OTOG: variants seen among roughly 807,000 people sequenced by gnomAD.
The protein encoded by OTOG is otogelin.
OTOG carries 296 observed loss-of-function variants against 313.8 expected under a neutral mutation model. The observed-to-expected ratio is 0.94, with a 90% CI of 0.86 to 1.04. OTOG has a LOEUF of 1.04. Ranked by LOEUF, OTOG falls within the 50% of genes least tolerant of loss-of-function variation. OTOG has a pLI of 0.00. For missense variants in OTOG, 3,948 were observed against 3,840.1 expected (o/e 1.03, Z -0.74); for synonymous variants, 1,533 against 1,554.9 (o/e 0.99, Z 0.33).
chr11:17,561,552 G>A (rs1345133441), intron 14 of OTOG, 110 bp from the exon 15 acceptor site: 1 of 1,168,908 alleles, frequency 8.6e-7, no homozygotes. Flanking sequence ...TCCTTATACT[G>A]CTCTTATTCT....
At chr11:17,637,685 A>C (rs1225085478) in intron 47 of OTOG, among the ~76,000 whole-genome samples, 1 of 152,186 alleles carries the variant, frequency 6.6e-6, no homozygotes, top group South Asian at 2.1e-4. Flanking sequence ...TAGGGTGATG[A>C]CCGTAATCCT....
chr11:17,596,180 T>A, intron 29 of OTOG, 26 bp downstream of exon 29: 1 of 1,488,166 alleles, frequency 6.7e-7, no homozygotes, highest in Non-Finnish European at 9.2e-7. Flanking sequence ...CCTCGGCTCC[T>A]CCCGAGTGCC....
At position 17,594,099 on chromosome 11, in the gene OTOG, TGAGGACCCC is replaced by T. The variant is rs1248481911; in HGVS notation, c.3343_3351del (p.Arg1115_Pro1117del). ...TTTGACTTAAAAACCATCAATGAGA[TGAGGACCCC>T]GGAGAACCTAGAGCTAACTAACCCC... On this transcript the variant is annotated inframe_deletion, in exon 28 of 56. Transcript: ENST00000399397. The T allele has an allele frequency of 1.0e-5, 16 of 1,550,406 alleles. No homozygotes were observed. Among genetic ancestry groups the T allele is most frequent in the Non-Finnish European group, 1.3e-5 (15 of 1,146,984 alleles).
Position 17,610,465 on chromosome 11 carries a change from C to T in OTOG, c.5165C>T (p.Ser1722Phe). The T allele has an allele frequency of 5.8e-6, 9 of 1,550,650 alleles. No individual in the cohort carries two copies. The highest frequency in any genetic ancestry group is 2.4e-5 in the South Asian group (2 of 84,060). Reference sequence around the variant, plus strand: ...ACCAGGAGCTTGGAGATAGTGCTATCCACAGAGAAGGGCGAAGCCGGGCAC... The same window carrying T: ...ACCAGGAGCTTGGAGATAGTGCTATTCACAGAGAAGGGCGAAGCCGGGCAC... ...LATRSLEIVLSTEKGEAGHSQ... is the reference protein window; with the variant it reads ...LATRSLEIVLFTEKGEAGHSQ... The change falls in exon 36 of 56, where the codon TCC becomes TTC. Residue 1722 changes from serine to phenylalanine, a missense_variant. Physicochemically the swap from Ser to Phe is radical, Grantham distance 155. Transcript: ENST00000399397.
chr11:17,617,641 T>G (rs1160694647), intron 39 of OTOG, among the ~76,000 whole-genome samples: 1 of 152,208 alleles, frequency 6.6e-6, no homozygotes, highest in Non-Finnish European at 1.5e-5. Context: ...CTGTAGGATC[T>G]GAATCTATGT....
chr11:17,628,938 C>T (rs1365344362), intron 39 of OTOG, among the ~76,000 whole-genome samples, 195 bp from the exon 40 acceptor site: 2 of 152,212 alleles, frequency 1.3e-5, no homozygotes, highest in Admixed American at 6.5e-5. Context: ...TTTCAGAAAC[C>T]TCACATGCCA....
intron 11 of OTOG, among the ~76,000 whole-genome samples, 176 bp from the exon 12 acceptor site, chr11:17,559,358 C>T (rs1852128006): frequency 6.6e-6 from 1 of 152,186 alleles, no homozygotes; most frequent in African/African-American, 2.4e-5. Flanking sequence ...CAGAGCCTCC[C>T]CTTGCAATTC....
intron 44 of OTOG, 38 bp from the exon 45 acceptor site, chr11:17,634,806 G>C: frequency 6.6e-7 from 1 of 1,515,414 alleles, no homozygotes; most frequent in South Asian, 1.2e-5. Context: ...GGGGACATCC[G>C]GCCCCGAGGT....
At chr11:17,645,050 T>C (rs1356477228) in intron 54 of OTOG, among the ~76,000 whole-genome samples, 1 of 152,126 alleles carries the variant, frequency 6.6e-6, no homozygotes, top group Non-Finnish European at 1.5e-5. Context: ...GTGAGATGGG[T>C]GAATCCCTGG....
rs1357186469 is a variant in OTOG at position 17,601,808 on chromosome 11, C to T, written c.3710-402C>T. Among the ~76,000 whole-genome samples the T allele has an allele frequency of 2.0e-5, 3 of 152,220 alleles. No homozygotes were observed. The East Asian group carries it at 5.8e-4, about 29-fold the overall frequency. On this transcript the variant is annotated intron_variant, in intron 31 of 55. Coordinates refer to ENST00000399397, the MANE Select transcript of OTOG (RefSeq NM_001292063.2). ...AAACACTAACAGGTTTATTGTCCCTCAGGCCTGGGGTGGGCAGAAACCGGG... is the reference window on the plus strand; with the variant it reads ...AAACACTAACAGGTTTATTGTCCCTTAGGCCTGGGGTGGGCAGAAACCGGG...
At chr11:17,643,394 G>A (rs1240649045) in intron 53 of OTOG, 67 bp from the exon 54 acceptor site, 2 of 1,143,406 alleles carry the variant, frequency 1.7e-6, no homozygotes, top group African/African-American at 1.6e-5. Context: ...CTGTTTCTGG[G>A]ATCTTGGCTC....
At position 17,558,292 on chromosome 11, in the gene OTOG, C is replaced by T. The variant is rs563094190; in HGVS notation, c.973C>T (p.Gln325Ter). 1.3e-6 allele frequency: 2 copies of T among 1,550,890 alleles called. No homozygotes were observed. Among genetic ancestry groups the T allele is most frequent in the South Asian group, 1.2e-5 (1 of 84,062 alleles). ...CTCCCTGCCTCGCCCACCGTGCCTA[C>T]AGCAGAACCCAGGAACCATGCAGGT... ...TSSLPRPPCL[Q>*]QNPGTMQGVY... The change falls in exon 9 of 56, where the codon CAG becomes TAG. Residue 325 changes from glutamine to a stop codon, truncating the protein, a stop_gained. Coordinates refer to ENST00000399397, the MANE Select transcript of OTOG (RefSeq NM_001292063.2). LOFTEE classifies it high-confidence loss of function.
intron 3 of OTOG, among the ~76,000 whole-genome samples, chr11:17,551,666 G>T (rs899410373): frequency 6.6e-6 from 1 of 152,152 alleles, no homozygotes. Flanking sequence ...GGACATAAGG[G>T]TTTACTGGGA....
At chr11:17,631,319 C>T (rs966845551) in intron 40 of OTOG, among the ~76,000 whole-genome samples, 1 of 150,186 alleles carries the variant, frequency 6.7e-6, no homozygotes, top group African/African-American at 2.5e-5. Context: ...AAGTAGTGTA[C>T]ACCTTTTACC....
intron 15 of OTOG, among the ~76,000 whole-genome samples, chr11:17,564,383 T>C (rs1852256066): frequency 6.6e-6 from 1 of 152,222 alleles, no homozygotes; most frequent in Admixed American, 6.5e-5. Flanking sequence ...AAGTGGCATT[T>C]GGGCTGAGTG....
At chr11:17,608,673 A>T (rs1028684744) in intron 34 of OTOG, among the ~76,000 whole-genome samples, 2 of 152,168 alleles carry the variant, frequency 1.3e-5, no homozygotes, top group Non-Finnish European at 2.9e-5. Context: ...AGCTGCATGT[A>T]TGCAGGTGTT....
At position 17,579,404 on chromosome 11, in the gene OTOG, A is replaced by G. The variant is rs189169704; in HGVS notation, c.2759+878A>G. On this transcript the variant is annotated intron_variant, in intron 23 of 55. Coordinates refer to ENST00000399397, the MANE Select transcript of OTOG (RefSeq NM_001292063.2). ...CCATGGCAGAGAGGAGGGGAGGACC[A>G]TGATTCCCATTTTGCAGGTGAAGAA... Among the ~76,000 whole-genome samples, 30 of 152,278 alleles carry G rather than the reference A, an allele frequency of 2.0e-4. No homozygotes were observed. The East Asian group carries it at 3.9e-3, about 20-fold the overall frequency.
chr11:17,600,070 T>C (rs1474684993), intron 31 of OTOG, among the ~76,000 whole-genome samples: 1 of 152,204 alleles, frequency 6.6e-6, no homozygotes, highest in Non-Finnish European at 1.5e-5. Context: ...AAGATTAGCT[T>C]TTGGCAAAAG....
At chr11:17,587,499 C>T (rs181723535) in intron 24 of OTOG, among the ~76,000 whole-genome samples, 7 of 152,336 alleles carry the variant, frequency 4.6e-5, no homozygotes, top group Admixed American at 3.9e-4. Context: ...AGCAGAGAAG[C>T]TCAGAGAGGT....
Sources: gnomAD v4.1 joint callset for allele counts (sites outside exome capture counted in the v4.1 genomes callset) on GRCh38, gnomAD v4.1.1 for gene constraint, MANE v1.5 for transcripts, NCBI Gene and HGNC (gene_info 2026-07-23, HGNC 2026-07-21) for gene names.